Variants in MAGI1 observed in about 807,000 individuals in gnomAD.
MAGI1 encodes membrane associated guanylate kinase, WW and PDZ domain containing 1, also known as membrane-associated guanylate kinase, WW and PDZ domain-containing protein 1.
In MAGI1, 58 loss-of-function variants were observed where a neutral mutation model predicts 139.9. The ratio of observed to expected loss-of-function variants is 0.41; its 90% CI spans 0.34 to 0.52. The LOEUF (loss-of-function observed/expected upper bound fraction) is 0.52, where lower values mean the gene tolerates loss of function less well. Ranked by LOEUF, MAGI1 falls within the 20% of genes least tolerant of loss-of-function variation. The pLI, the probability that MAGI1 is intolerant of heterozygous loss-of-function variation, is 0.12. For missense variants in MAGI1, 1,874 were observed against 1,901.6 expected (o/e 0.99, Z 0.27); for synonymous variants, 812 against 737.9 (o/e 1.10, Z -1.63).
Position 65,846,976 on chromosome 3 carries a change from C to CAAAAAAAAAAAAAAAAAAAAAAA in MAGI1, c.313+191019_313+191020insTTTTTTTTTTTTTTTTTTTTTTT, listed in dbSNP as rs58391331. On this transcript the variant is annotated intron_variant, in intron 1 of 22. Coordinates refer to ENST00000402939, the MANE Select transcript of MAGI1 (RefSeq NM_001033057.2). The stretch of plus-strand genomic sequence containing the variant: ...GATTACAAAGAATAGCAATGTCTTA[C>CAAAAAAAAAAAAAAAAAAAAAAA]AAAAAAAAAAAAAAAAAAAACCCTA... 2.0e-4 allele frequency among the ~76,000 whole-genome samples: 16 copies of CAAAAAAAAAAAAAAAAAAAAAAA among 80,986 alleles called. 1 individual carries two copies. Among genetic ancestry groups the CAAAAAAAAAAAAAAAAAAAAAAA allele is most frequent in the African/African-American group, 6.4e-4 (13 of 20,226 alleles). 53.1% of individuals were successfully genotyped at this position (80,986 alleles called of 152,430 possible).
chr3:65,378,933 C>T (rs568402520), intron 17 of MAGI1, among the ~76,000 whole-genome samples: 2 of 152,264 alleles, frequency 1.3e-5, no homozygotes, highest in East Asian at 1.9e-4. Context: ...TCACCCTCCT[C>T]GGCCTCCCAA....
chr3:65,401,653 A>T (rs779921848), intron 12 of MAGI1, 183 bp from the exon 13 acceptor site: 33 of 1,546,476 alleles, frequency 2.1e-5, no homozygotes, highest in Non-Finnish European at 2.9e-5. Context: ...CAGAGGGAGG[A>T]GGAGAGCGAG....
intron 1 of MAGI1, among the ~76,000 whole-genome samples, chr3:65,781,290 A>G (rs1407325897): frequency 6.6e-6 from 1 of 152,242 alleles, no homozygotes; most frequent in Non-Finnish European, 1.5e-5. Flanking sequence ...TACTGACACA[A>G]TACAAGATAT....
intron 1 of MAGI1, among the ~76,000 whole-genome samples, chr3:65,669,608 G>C (rs961638688): frequency 7.9e-5 from 12 of 152,162 alleles, no homozygotes; most frequent in Non-Finnish European, 1.8e-4. Context: ...CCATTGCTTT[G>C]ATTGTGTTTT....
chr3:65,415,647 A>C (rs1166351376), intron 12 of MAGI1, among the ~76,000 whole-genome samples: 1 of 152,218 alleles, frequency 6.6e-6, no homozygotes, highest in African/African-American at 2.4e-5. Context: ...ATTCAACAAA[A>C]AATAACCCAG....
chr3:65,375,409 G>A (rs368617601), intron 18 of MAGI1, among the ~76,000 whole-genome samples: 9 of 151,580 alleles, frequency 5.9e-5, no homozygotes, highest in East Asian at 3.9e-4. Context: ...GGATGGTCTC[G>A]ATCTCCTGAC....
At chr3:65,845,322 T>C (rs1262271402) in intron 1 of MAGI1, among the ~76,000 whole-genome samples, 1 of 151,788 alleles carries the variant, frequency 6.6e-6, no homozygotes, top group Non-Finnish European at 1.5e-5. Context: ...ACATAGAGTG[T>C]CGTGGTTAAC....
chr3:65,690,299 ACT>A (rs1236274739), intron 1 of MAGI1, among the ~76,000 whole-genome samples: 1 of 151,876 alleles, frequency 6.6e-6, no homozygotes, highest in Admixed American at 6.6e-5. Flanking sequence ...CTGGTGACAC[ACT>A]CTTTTAGCTT....
chr3:65,725,307 T>C (rs1262155276), intron 1 of MAGI1, among the ~76,000 whole-genome samples: 1 of 152,186 alleles, frequency 6.6e-6, no homozygotes, highest in Non-Finnish European at 1.5e-5. Flanking sequence ...TGTACCCCAG[T>C]GTCTCCATCT....
chr3:65,986,501 C>G (rs2065885858), intron 1 of MAGI1, among the ~76,000 whole-genome samples: 1 of 152,174 alleles, frequency 6.6e-6, no homozygotes, highest in Admixed American at 6.5e-5. Flanking sequence ...AAAATTAGCT[C>G]TTGCCTTGAT....
chr3:65,581,523 C>A (rs901964416), intron 2 of MAGI1, among the ~76,000 whole-genome samples: 2 of 152,160 alleles, frequency 1.3e-5, no homozygotes, highest in African/African-American at 4.8e-5. Flanking sequence ...CCCAGCCACA[C>A]TGTCCCTGCC....
chr3:65,687,397 T>A, intron 1 of MAGI1: 1 of 352,048 alleles, frequency 2.8e-6, no homozygotes, highest in Non-Finnish European at 5.8e-6. Context: ...ATATCCCGTT[T>A]GATTTCTATT....
intron 17 of MAGI1, among the ~76,000 whole-genome samples, chr3:65,376,870 G>A (rs1264616597): frequency 2.6e-5 from 4 of 152,114 alleles, no homozygotes; most frequent in African/African-American, 4.8e-5. Context: ...AGGTTTATTC[G>A]TGCACTTTGA....
chr3:65,446,249 C>T (rs946639538), intron 7 of MAGI1, among the ~76,000 whole-genome samples: 5 of 152,162 alleles, frequency 3.3e-5, no homozygotes, highest in African/African-American at 1.2e-4. Context: ...TATTAAAACA[C>T]GCTTTCATTA....
intron 2 of MAGI1, chr3:65,549,459 A>C (rs1311715471): frequency 1.0e-6 from 1 of 984,448 alleles, no homozygotes; most frequent in Non-Finnish European, 1.2e-6. Flanking sequence ...GCCGGAGCCC[A>C]GGCGCGCGCT....
chr3:65,799,671 T>C (rs2108121307), intron 1 of MAGI1, among the ~76,000 whole-genome samples: 1 of 152,288 alleles, frequency 6.6e-6, no homozygotes, highest in South Asian at 2.1e-4. Flanking sequence ...AGATATCTCC[T>C]GCAGATAAAG....
intron 1 of MAGI1, among the ~76,000 whole-genome samples, chr3:65,943,959 T>C (rs930188232): frequency 6.6e-6 from 1 of 152,204 alleles, no homozygotes; most frequent in African/African-American, 2.4e-5. Flanking sequence ...TCCTCCACTG[T>C]GACAGGGCAG....
At chr3:65,726,076 G>C (rs2033572235) in intron 1 of MAGI1, among the ~76,000 whole-genome samples, 1 of 152,152 alleles carries the variant, frequency 6.6e-6, no homozygotes, top group Non-Finnish European at 1.5e-5. Context: ...AAAGAAATAT[G>C]AAATTATGCA....
intron 2 of MAGI1, among the ~76,000 whole-genome samples, chr3:65,609,255 C>T (rs7635086): frequency 0.71 from 107,328 of 151,720 alleles, 38,618 homozygotes; most frequent in Non-Finnish European, 0.77. Flanking sequence ...ATATTTATTT[C>T]ATCTCTATCT....
Sources: gnomAD v4.1 joint callset for allele counts (sites outside exome capture counted in the v4.1 genomes callset) on GRCh38, gnomAD v4.1.1 for gene constraint, MANE v1.5 for transcripts, NCBI Gene and HGNC (gene_info 2026-07-23, HGNC 2026-07-21) for gene names.